The following SYT1 variants were observed in gnomAD, a reference collection of about 807,000 sequenced individuals.
SYT1 encodes synaptotagmin-1.
Under a neutral mutation model 44.8 loss-of-function variants are expected in SYT1, and 8 were observed. The ratio of observed to expected loss-of-function variants is 0.18; its 90% CI spans 0.10 to 0.32. SYT1 has a LOEUF of 0.32. Ranked by LOEUF, SYT1 falls within the 10% of genes least tolerant of loss-of-function variation. The probability of loss-of-function intolerance (pLI) is 1.00; values close to 1 mark genes in which losing one functional copy is unlikely to be tolerated. For synonymous variants in SYT1, 154 were observed against 188.8 expected (o/e 0.82, Z 1.51); for missense variants, 286 against 509.3 (o/e 0.56, Z 4.22).
At chr12:78,964,922 C>G (rs138373084) in intron 1 of SYT1, among the ~76,000 whole-genome samples, 1 of 152,050 alleles carries the variant, frequency 6.6e-6, no homozygotes, top group East Asian at 1.9e-4. Context: ...TAAATGTGAA[C>G]AGTTTAGAAT....
chr12:78,877,619 G>A (rs1874241954), intron 1 of SYT1, among the ~76,000 whole-genome samples: 1 of 151,592 alleles, frequency 6.6e-6, no homozygotes, highest in Non-Finnish European at 1.5e-5. Context: ...AATAAGTACT[G>A]GTCATGATCA....
intron 3 of SYT1, among the ~76,000 whole-genome samples, chr12:79,172,292 TC>T (rs1438950813): frequency 2.6e-5 from 4 of 151,934 alleles, no homozygotes; most frequent in Non-Finnish European, 5.9e-5. Context: ...TACTGAGACT[TC>T]ATTTTATAAT....
chr12:79,150,924 C>T (rs1413908912), intron 3 of SYT1, among the ~76,000 whole-genome samples: 3 of 151,686 alleles, frequency 2.0e-5, no homozygotes, highest in Non-Finnish European at 4.4e-5. Flanking sequence ...TGAAGAGATA[C>T]GTTAAGTGCC....
chr12:79,255,320 C>T (rs779640722), intron 4 of SYT1, among the ~76,000 whole-genome samples: 3 of 152,190 alleles, frequency 2.0e-5, no homozygotes, highest in Non-Finnish European at 2.9e-5. Context: ...TGATCGTCAG[C>T]ATTTTTTTAG....
intron 4 of SYT1, among the ~76,000 whole-genome samples, chr12:79,281,440 C>A (rs1474918202): frequency 6.6e-6 from 1 of 152,046 alleles, no homozygotes; most frequent in Non-Finnish European, 1.5e-5. Flanking sequence ...AAACAGAAAA[C>A]CAAAAACTGC....
chr12:79,128,464 G>C (rs1388884008), intron 3 of SYT1, among the ~76,000 whole-genome samples: 2 of 152,146 alleles, frequency 1.3e-5, no homozygotes, highest in East Asian at 3.8e-4. Flanking sequence ...TAGATAGAAA[G>C]AACAAATCTT....
chr12:79,313,392 G>A (rs1234742980), intron 8 of SYT1, among the ~76,000 whole-genome samples: 1 of 152,138 alleles, frequency 6.6e-6, no homozygotes, highest in Non-Finnish European at 1.5e-5. Flanking sequence ...GGTTCTTGCT[G>A]CCTTCTTTAG....
chr12:79,250,445 C>G (rs1051925767), intron 4 of SYT1, among the ~76,000 whole-genome samples: 5 of 152,160 alleles, frequency 3.3e-5, no homozygotes, highest in African/African-American at 1.2e-4. Context: ...TCCTTGAGTC[C>G]AGCAAGAACA....
At chr12:78,963,229 AT>A (rs1879606236) in intron 1 of SYT1, among the ~76,000 whole-genome samples, 1 of 152,082 alleles carries the variant, frequency 6.6e-6, no homozygotes, top group African/African-American at 2.4e-5. Context: ...AAATATGTTT[AT>A]CATAGGGAAA....
intron 2 of SYT1, among the ~76,000 whole-genome samples, chr12:78,983,835 G>A (rs1320649290): frequency 1.3e-5 from 2 of 152,040 alleles, no homozygotes. Flanking sequence ...TCAAGGCAGT[G>A]TAAAGTTTCT....
At chr12:78,938,029 C>T (rs1045246049) in intron 1 of SYT1, among the ~76,000 whole-genome samples, 2 of 151,966 alleles carry the variant, frequency 1.3e-5, no homozygotes, top group Non-Finnish European at 2.9e-5. Flanking sequence ...AGTTAAAAGT[C>T]GATGTAAAGA....
intron 2 of SYT1, among the ~76,000 whole-genome samples, chr12:79,001,494 T>TAGA (rs1344705158): frequency 1.3e-5 from 2 of 152,208 alleles, no homozygotes; most frequent in Non-Finnish European, 2.9e-5. Context: ...GACTAGGGTT[T>TAGA]AGAAGACTAA....
intron 2 of SYT1, among the ~76,000 whole-genome samples, chr12:79,001,406 G>A (rs1870733426): frequency 6.6e-6 from 1 of 152,062 alleles, no homozygotes; most frequent in Non-Finnish European, 1.5e-5. Context: ...ATACTTAGTA[G>A]TTTTCTCTTC....
chr12:79,055,438 TTAAATC>T (rs942503344), intron 3 of SYT1, among the ~76,000 whole-genome samples: 4 of 152,068 alleles, frequency 2.6e-5, no homozygotes, highest in African/African-American at 9.7e-5. Flanking sequence ...TAATAAGACT[TTAAATC>T]AAATGATTTA....
chr12:78,958,849 T>G (rs1879354943), intron 1 of SYT1, among the ~76,000 whole-genome samples: 1 of 152,136 alleles, frequency 6.6e-6, no homozygotes, highest in Non-Finnish European at 1.5e-5. Context: ...GTATAGTATC[T>G]GAGAAAAATA....
At chr12:78,944,520 A>AT (rs1160042559) in intron 1 of SYT1, among the ~76,000 whole-genome samples, 1 of 151,958 alleles carries the variant, frequency 6.6e-6, no homozygotes, top group Admixed American at 6.6e-5. Flanking sequence ...ACAAAAAAAA[A>AT]CTCCTGGGGG....
chr12:78,912,811 GTAACTCACCTCAAATTATCAC>G (rs1876418958), intron 1 of SYT1, among the ~76,000 whole-genome samples: 2 of 151,892 alleles, frequency 1.3e-5, no homozygotes, highest in South Asian at 4.1e-4. Context: ...GGGTTGCCCT[GTAACTCACCTCAAATTATCAC>G]TGGGAATACC....
intron 10 of SYT1, among the ~76,000 whole-genome samples, chr12:79,446,533 A>T (rs1456884352): frequency 6.6e-6 from 1 of 152,152 alleles, no homozygotes; most frequent in Non-Finnish European, 1.5e-5. Context: ...ATATAGCTAG[A>T]TGTGGCTGGT....
intron 10 of SYT1, among the ~76,000 whole-genome samples, chr12:79,446,008 T>TAC (rs1565961462): frequency 0.069 from 8,060 of 116,396 alleles, 520 homozygotes; most frequent in Non-Finnish European, 0.084. Flanking sequence ...TATATATATA[T>TAC]ATATATATAT....
Sources: allele counts gnomAD v4.1 joint callset (sites outside exome capture counted in the v4.1 genomes callset), GRCh38; gene constraint gnomAD v4.1.1; transcripts MANE v1.5; gene names NCBI Gene and HGNC (gene_info 2026-07-23, HGNC 2026-07-21).